The following KCND2 variants were observed in gnomAD, a reference collection of about 807,000 sequenced individuals.
KCND2 encodes A-type voltage-gated potassium channel KCND2.
In KCND2, 16 loss-of-function variants were observed where a neutral mutation model predicts 54.4. That is an observed-to-expected ratio of 0.29 (90% CI 0.20 to 0.45). The LOEUF is 0.45. Among genes scored for constraint, KCND2 ranks in the 20% least tolerant of loss-of-function variants. The probability of loss-of-function intolerance (pLI) is 1.00; values close to 1 mark genes in which losing one functional copy is unlikely to be tolerated. For missense variants in KCND2, 486 were observed against 824.2 expected (o/e 0.59, Z 5.02); for synonymous variants, 317 against 310.7 (o/e 1.02, Z -0.21).
chr7:120,481,896 C>T (rs1802612449), intron 1 of KCND2, among the ~76,000 whole-genome samples: 1 of 152,134 alleles, frequency 6.6e-6, no homozygotes, highest in Admixed American at 6.5e-5. Context: ...AGGAAGAAAC[C>T]TGCTACAATG....
intron 1 of KCND2, among the ~76,000 whole-genome samples, chr7:120,673,558 CT>C (rs1584878354): frequency 2.0e-5 from 3 of 152,114 alleles, no homozygotes; most frequent in African/African-American, 7.2e-5. Context: ...CATCCTCCTT[CT>C]CCATATCATT....
chr7:120,323,242 G>A (rs1379057488), intron 1 of KCND2, among the ~76,000 whole-genome samples: 3 of 151,934 alleles, frequency 2.0e-5, no homozygotes, highest in East Asian at 1.9e-4. Flanking sequence ...GAGAACATGC[G>A]GTGTTTGGTT....
At chr7:120,543,003 C>G (rs1791997647) in intron 1 of KCND2, among the ~76,000 whole-genome samples, 1 of 151,986 alleles carries the variant, frequency 6.6e-6, no homozygotes, top group South Asian at 2.1e-4. Context: ...AATACACACT[C>G]CTACATATGC....
rs567011622 is a variant in KCND2, at chr7:120,439,072, C to T, written c.1115+163325C>T. 9.9e-5 allele frequency among the ~76,000 whole-genome samples: 15 copies of T among 152,038 alleles called. No individual in the cohort carries two copies. In the South Asian group the frequency reaches 1.0e-3, roughly 11 times the overall value. On this transcript the variant is annotated intron_variant, in intron 1 of 5. Coordinates refer to ENST00000331113, the MANE Select transcript of KCND2 (RefSeq NM_012281.3). The stretch of plus-strand genomic sequence containing the variant: ...TTGCTCTTTATATGAAATATTTGGA[C>T]GAGAAGACTAAGCCTGTGCTTTATT...
At chr7:120,631,322 T>C (rs1436178726) in intron 1 of KCND2, among the ~76,000 whole-genome samples, 1 of 152,080 alleles carries the variant, frequency 6.6e-6, no homozygotes, top group Non-Finnish European at 1.5e-5. Context: ...ATTCAGATAG[T>C]CAATTTCAAT....
At chr7:120,710,176 C>T (rs1307093471) in intron 1 of KCND2, among the ~76,000 whole-genome samples, 1 of 152,114 alleles carries the variant, frequency 6.6e-6, no homozygotes, top group Non-Finnish European at 1.5e-5. Context: ...TTTCAGTACA[C>T]TATGAGGACA....
At chr7:120,624,148 T>C (rs1203943807) in intron 1 of KCND2, among the ~76,000 whole-genome samples, 1 of 152,210 alleles carries the variant, frequency 6.6e-6, no homozygotes, top group Non-Finnish European at 1.5e-5. Flanking sequence ...TAACTGTATA[T>C]TCAATTAAGC....
intron 1 of KCND2, among the ~76,000 whole-genome samples, chr7:120,652,834 A>G (rs1791755043): frequency 6.6e-6 from 1 of 152,234 alleles, no homozygotes; most frequent in South Asian, 2.1e-4. Context: ...AGAGGAAGAA[A>G]CTGCGATATC....
intron 1 of KCND2, among the ~76,000 whole-genome samples, chr7:120,578,597 T>G (rs1428569407): frequency 1.3e-5 from 2 of 152,134 alleles, no homozygotes; most frequent in Non-Finnish European, 2.9e-5. Flanking sequence ...CCAGGCGCAG[T>G]GGTTCACACC....
intron 1 of KCND2, among the ~76,000 whole-genome samples, chr7:120,435,853 G>T (rs1801858974): frequency 2.0e-5 from 3 of 152,050 alleles, no homozygotes; most frequent in Admixed American, 2.0e-4. Flanking sequence ...TGTTTTTCCA[G>T]TTCCCCTAGT....
intron 1 of KCND2, among the ~76,000 whole-genome samples, chr7:120,322,118 TAAAG>T (rs1799900223): frequency 2.0e-5 from 3 of 151,622 alleles, no homozygotes; most frequent in Admixed American, 6.6e-5. Flanking sequence ...ATTTAGAAAA[TAAAG>T]AAAATTTAAT....
chr7:120,690,909 G>T (rs140520836), intron 1 of KCND2, among the ~76,000 whole-genome samples: 4 of 152,130 alleles, frequency 2.6e-5, no homozygotes, highest in African/African-American at 9.7e-5. Context: ...AAAAGAAAAC[G>T]AGAATGAGGA....
chr7:120,418,271 A>C (rs889049078), intron 1 of KCND2, among the ~76,000 whole-genome samples: 1 of 152,194 alleles, frequency 6.6e-6, no homozygotes, highest in African/African-American at 2.4e-5. Context: ...TCATTGTGAT[A>C]ATGAAGAAAG....
intron 1 of KCND2, among the ~76,000 whole-genome samples, chr7:120,631,382 A>C (rs1328744998): frequency 6.6e-6 from 1 of 152,142 alleles, no homozygotes; most frequent in East Asian, 1.9e-4. Context: ...ATGTTATTAA[A>C]AATAATAAGT....
At chr7:120,668,117 G>GA (rs559089489) in intron 1 of KCND2, among the ~76,000 whole-genome samples, 15 of 151,620 alleles carry the variant, frequency 9.9e-5, no homozygotes, top group Non-Finnish European at 1.5e-4. Flanking sequence ...GCTTACTAGA[G>GA]AAAAAAAATT....
intron 1 of KCND2, among the ~76,000 whole-genome samples, chr7:120,367,518 G>A (rs1049555140): frequency 6.6e-6 from 1 of 151,426 alleles, no homozygotes; most frequent in Non-Finnish European, 1.5e-5. Flanking sequence ...TAAAGTAGGT[G>A]TTGAGGAGGG....
At chr7:120,427,897 CCTT>C (rs1277009003) in intron 1 of KCND2, among the ~76,000 whole-genome samples, 1 of 152,028 alleles carries the variant, frequency 6.6e-6, no homozygotes, top group Non-Finnish European at 1.5e-5. Flanking sequence ...GTGATAGTAT[CCTT>C]CTGTATGATC....
chr7:120,494,441 C>T (rs1372353623), intron 1 of KCND2, among the ~76,000 whole-genome samples: 1 of 152,060 alleles, frequency 6.6e-6, no homozygotes, highest in Non-Finnish European at 1.5e-5. Flanking sequence ...TGCAGTTCTA[C>T]TGAAGAGAGA....
At chr7:120,512,952 G>A (rs1309356058) in intron 1 of KCND2, among the ~76,000 whole-genome samples, 1 of 151,698 alleles carries the variant, frequency 6.6e-6, no homozygotes, top group Non-Finnish European at 1.5e-5. Context: ...GCACCACCAT[G>A]CTGAGCTAAT....
Sources: allele counts gnomAD v4.1 joint callset (sites outside exome capture counted in the v4.1 genomes callset), GRCh38; gene constraint gnomAD v4.1.1; transcripts MANE v1.5; gene names NCBI Gene and HGNC (gene_info 2026-07-23, HGNC 2026-07-21).